NDUFAF7: variants seen among roughly 807,000 people sequenced by gnomAD.
NDUFAF7 encodes NADH:ubiquinone oxidoreductase complex assembly factor 7.
A neutral mutation model predicts 47.2 loss-of-function variants in NDUFAF7; 48 were observed. The observed-to-expected ratio is 1.02, with a 90% CI of 0.81 to 1.29. The LOEUF is 1.29. Among genes scored for constraint, NDUFAF7 ranks in the 50% most tolerant of loss-of-function variants. The pLI, the probability that NDUFAF7 is intolerant of heterozygous loss-of-function variation, is 0.00. For synonymous variants in NDUFAF7, 217 were observed against 190.0 expected, an observed-to-expected ratio of 1.14 and a Z score of -1.17; for missense variants, 635 against 537.6, an observed-to-expected ratio of 1.18 and a Z score of -1.79.
intron 4 of NDUFAF7, among the ~76,000 whole-genome samples, chr2:37,239,554 C>T (rs1000964028): frequency 1.3e-5 from 2 of 152,136 alleles, no homozygotes; most frequent in Non-Finnish European, 2.9e-5. Context: ...GAGACACATA[C>T]AAGAAGATAG....
At position 37,232,281 on chromosome 2, in the gene NDUFAF7, G is replaced by T. The variant is rs1284719940; in HGVS notation, c.216+15G>T. 4 of 1,612,362 alleles carry T rather than the reference G, an allele frequency of 2.5e-6. No homozygotes were observed. The highest frequency in any genetic ancestry group is 4.5e-5 in the East Asian group (2 of 44,872). ...ATCCAGCCAAGGTATGGGTCGGGTA[G>T]CCCGAGGACTAGGCCCTCTCTAGCC... On this transcript the variant is annotated intron_variant, in intron 2 of 9. Coordinates refer to ENST00000002125, the MANE Select transcript of NDUFAF7 (RefSeq NM_144736.5).
At chr2:37,250,952 T>G (rs1375948097), downstream of NDUFAF7, 1 of 152,654 alleles carries the variant, frequency 6.6e-6, no homozygotes, top group Non-Finnish European at 1.5e-5. Flanking sequence ...ACAAAATTTT[T>G]AGAAAACTTC....
chr2:37,264,756 G>C, the NDUFAF7 span, among the ~76,000 whole-genome samples: 1 of 152,068 alleles, frequency 6.6e-6, no homozygotes, highest in East Asian at 1.9e-4. Context: ...GAAAAAAAAA[G>C]ACTCAATTTG....
At chr2:37,233,139 G>T (rs1346689328) in intron 2 of NDUFAF7, among the ~76,000 whole-genome samples, 1 of 152,182 alleles carries the variant, frequency 6.6e-6, no homozygotes, top group African/African-American at 2.4e-5. Context: ...GTGATGGAAC[G>T]GAGGAATCAA....
chr2:37,233,435 C>T (rs946930577), intron 2 of NDUFAF7, among the ~76,000 whole-genome samples: 2 of 152,122 alleles, frequency 1.3e-5, no homozygotes, highest in Non-Finnish European at 2.9e-5. Context: ...TGAGACCAGC[C>T]TGACCAACTT....
the NDUFAF7 span, chr2:37,268,495 A>G: frequency 2.7e-6 from 1 of 366,372 alleles, no homozygotes; most frequent in South Asian, 2.1e-5. Context: ...CTCACAGCCA[A>G]CGCTCCAATA....
At chr2:37,264,201 A>G in the NDUFAF7 span, among the ~76,000 whole-genome samples, 2 of 152,204 alleles carry the variant, frequency 1.3e-5, no homozygotes, top group Non-Finnish European at 2.9e-5. Context: ...GTAACTGTAT[A>G]TAGACATACA....
At chr2:37,260,089 C>T in the NDUFAF7 span, 24 of 755,598 alleles carry the variant, frequency 3.2e-5, no homozygotes, top group South Asian at 4.7e-4. Context: ...CACTTGAATC[C>T]AGGAGGCAGA....
the NDUFAF7 span, among the ~76,000 whole-genome samples, chr2:37,261,105 T>G: frequency 4.6e-5 from 7 of 152,240 alleles, no homozygotes; most frequent in African/African-American, 1.7e-4. Flanking sequence ...TTTTGAGATC[T>G]TCAATAACCT....
downstream of NDUFAF7, chr2:37,252,162 C>CT (rs1667552397): frequency 6.6e-6 from 1 of 152,132 alleles, no homozygotes; most frequent in Non-Finnish European, 1.5e-5. Context: ...CAGATATCTG[C>CT]AAAGCCCAAT....
rs1267595659 is a variant in NDUFAF7, at chr2:37,243,931, T to G, written c.750T>G (p.Phe250Leu). The change falls in exon 7 of 10, where the codon TTT becomes TTG. Residue 250 changes from phenylalanine to leucine, a missense_variant. Coordinates refer to ENST00000002125, the MANE Select transcript of NDUFAF7 (RefSeq NM_144736.5). ...CACAGGTTTCTGATAAACTGAGGTT[T>G]GTTTTGGCACCTTCTGCCACCCCAG... ...IDPQVSDKLR[F>L]VLAPSATPAE... The G allele has an allele frequency of 1.9e-6, 3 of 1,613,988 alleles. No homozygotes were observed. The African/African-American group carries it at 4.0e-5, about 22-fold the overall frequency.
At chr2:37,245,009 A>G (rs1200863329) in intron 7 of NDUFAF7, among the ~76,000 whole-genome samples, 2 of 152,246 alleles carry the variant, frequency 1.3e-5, no homozygotes, top group African/African-American at 4.8e-5. Flanking sequence ...GAATGTCAGC[A>G]TGATCAGCGT....
intron 5 of NDUFAF7, 179 bp from the exon 6 acceptor site, chr2:37,242,456 A>C (rs1369904401): frequency 1.9e-6 from 1 of 515,536 alleles, no homozygotes; most frequent in Non-Finnish European, 3.5e-6. Context: ...ATTTATGTGT[A>C]AAATAAGAAT....
chr2:37,251,304 T>C (rs934844046), downstream of NDUFAF7: 2 of 152,606 alleles, frequency 1.3e-5, no homozygotes, highest in Non-Finnish European at 2.9e-5. Flanking sequence ...GGGTAGATAG[T>C]ACAGCATAAT....
At chr2:37,261,694 T>G in the NDUFAF7 span, among the ~76,000 whole-genome samples, 2 of 151,622 alleles carry the variant, frequency 1.3e-5, no homozygotes, top group African/African-American at 4.9e-5. Context: ...GCAGGAGAAT[T>G]GCTTGAACCT....
chr2:37,243,387 G>A (rs1241579145), intron 6 of NDUFAF7, among the ~76,000 whole-genome samples: 2 of 152,172 alleles, frequency 1.3e-5, no homozygotes, highest in Non-Finnish European at 2.9e-5. Context: ...AGGAGGCAGA[G>A]GTTGCAGTGA....
chr2:37,258,759 AAT>A, the NDUFAF7 span, among the ~76,000 whole-genome samples: 3 of 152,206 alleles, frequency 2.0e-5, no homozygotes, highest in Admixed American at 2.0e-4. Context: ...AACGATTTTT[AAT>A]ATATCTTTTT....
chr2:37,232,180 C>T lies in NDUFAF7; in HGVS notation c.130C>T (p.Leu44=), dbSNP rs1169630974. 22 of 1,614,058 alleles carry T rather than the reference C, an allele frequency of 1.4e-5. No individual in the cohort carries two copies. In the South Asian group the frequency reaches 2.3e-4, roughly 17 times the overall value. Residue 44 remains leucine (L), a synonymous_variant, in exon 2 of 10, where the codon CTG becomes TTG. Coordinates refer to ENST00000002125, the MANE Select transcript of NDUFAF7 (RefSeq NM_144736.5). ...EPAENPVTPM[L]RHLMYKIKST... ...TGCAGAAAACCCGGTGACGCCGATG[C>T]TGCGGCATCTTATGTACAAAATAAA...
chr2:37,260,420 G>C, the NDUFAF7 span: 1 of 1,560,706 alleles, frequency 6.4e-7, no homozygotes, highest in Non-Finnish European at 8.8e-7. Flanking sequence ...AGCAACTTAA[G>C]CAGAGAAACA....
Sources: gnomAD v4.1 joint callset for allele counts (sites outside exome capture counted in the v4.1 genomes callset) on GRCh38, gnomAD v4.1.1 for gene constraint, MANE v1.5 for transcripts, NCBI Gene and HGNC (gene_info 2026-07-23, HGNC 2026-07-21) for gene names.